ARHGEF18: variants seen among roughly 807,000 people sequenced by gnomAD.
ARHGEF18 encodes the protein rho guanine nucleotide exchange factor 18.
In ARHGEF18, 93 loss-of-function variants were observed where a neutral mutation model predicts 155.7. That is an observed-to-expected ratio of 0.60 (90% CI 0.50 to 0.71). The LOEUF (loss-of-function observed/expected upper bound fraction) is 0.71, where lower values mean the gene tolerates loss of function less well. Ranked by LOEUF, ARHGEF18 falls within the 30% of genes least tolerant of loss-of-function variation. ARHGEF18 has a pLI of 0.00. For synonymous variants in ARHGEF18, 742 were observed against 753.1 expected, an observed-to-expected ratio of 0.99 and a Z score of 0.24; for missense variants, 1,593 against 1,816.1, an observed-to-expected ratio of 0.88 and a Z score of 2.23.
Position 7,453,508 on chromosome 19 carries a change from C to G in ARHGEF18, c.1897C>G (p.Leu633Val), listed in dbSNP as rs1462992712. 3 of 1,613,518 alleles carry G rather than the reference C, an allele frequency of 1.9e-6. No homozygotes were observed. Among genetic ancestry groups the G allele is most frequent in the African/African-American group, 1.3e-5 (1 of 75,046 alleles). Residue 633 changes from leucine (L) to valine (V), a missense_variant, in exon 17 of 29, where the codon CTC becomes GTC. By Grantham distance (32) the Leu-to-Val change is conservative (BLOSUM62 1). Coordinates refer to ENST00000668164, the MANE Select transcript of ARHGEF18 (RefSeq NM_001367823.1). ...DYEDLTQALN[L>V]IKDIISQVDA... Reference sequence around the variant, plus strand: ...TGAAGACCTGACCCAGGCCTTGAACCTCATCAAAGATATCATCTCACAAGT... The same window carrying G: ...TGAAGACCTGACCCAGGCCTTGAACGTCATCAAAGATATCATCTCACAAGT...
chr19:7,407,472 C>A (rs1881853440), intron 10 of ARHGEF18, among the ~76,000 whole-genome samples: 1 of 151,854 alleles, frequency 6.6e-6, no homozygotes, highest in African/African-American at 2.4e-5. Context: ...TGTTTGTGGC[C>A]TGTTTGCTCC....
At chr19:7,437,582 C>A (rs948876262) in intron 10 of ARHGEF18, among the ~76,000 whole-genome samples, 1 of 151,910 alleles carries the variant, frequency 6.6e-6, no homozygotes, top group African/African-American at 2.4e-5. Context: ...GTAACATAGA[C>A]AAGGCAATGG....
At chr19:7,460,487 T>C (rs925240851) in intron 20 of ARHGEF18, among the ~76,000 whole-genome samples, 7 of 152,118 alleles carry the variant, frequency 4.6e-5, no homozygotes, top group Admixed American at 6.5e-5. Context: ...GCCAGAATCA[T>C]GTTAACTTTA....
At chr19:7,479,510 C>T in the ARHGEF18 span, among the ~76,000 whole-genome samples, 2 of 152,170 alleles carry the variant, frequency 1.3e-5, no homozygotes, top group Non-Finnish European at 2.9e-5. Flanking sequence ...GCCCTGGGCG[C>T]CGGACCCAGG....
In ARHGEF18 at chr19:7,453,486, A is replaced by T. The variant is rs1975629162; in HGVS notation, c.1875A>T (p.Glu625Asp). The change falls in exon 17 of 29, where the codon GAA becomes GAT. Residue 625 changes from glutamate to aspartate, a missense_variant. Transcript: ENST00000668164. ...QNTEAGTEDYEDLTQALNLIK... is the reference protein window; with the variant it reads ...QNTEAGTEDYDDLTQALNLIK... ...TGGCAGCTGGCACTGAGGACTATGA[A>T]GACCTGACCCAGGCCTTGAACCTCA... is the stretch of plus-strand genomic sequence containing the variant. 6.2e-7 allele frequency: 1 copy of T among 1,608,930 alleles called. No homozygotes were observed. Among genetic ancestry groups the T allele is most frequent in the Non-Finnish European group, 8.5e-7 (1 of 1,176,588 alleles).
chr19:7,477,061 A>G (rs1333762577), downstream of ARHGEF18: 2 of 730,920 alleles, frequency 2.7e-6, no homozygotes, highest in Non-Finnish European at 4.0e-6. Context: ...GGGACCTCGC[A>G]TCAGTCCCTC....
chr19:7,362,327 TGGAGGAGGAGGAGGAAGA>T (rs1969663311), intron 1 of ARHGEF18, among the ~76,000 whole-genome samples: 1 of 128,062 alleles, frequency 7.8e-6, no homozygotes, highest in Non-Finnish European at 1.5e-5. Context: ...AGGAAGAAGG[TGGAGGAGGAGGAGGAAGA>T]GGAGGAGGAG....
intron 10 of ARHGEF18, among the ~76,000 whole-genome samples, chr19:7,425,657 G>A (rs1417968158): frequency 4.0e-5 from 6 of 150,506 alleles, no homozygotes; most frequent in African/African-American, 9.8e-5. Flanking sequence ...ACTCCAGCCC[G>A]GGTGACAGAG....
rs571840127 is a variant in ARHGEF18, at chr19:7,374,834, C to T, written c.276-886C>T. Among the ~76,000 whole-genome samples the T allele has an allele frequency of 1.4e-4, 22 of 152,248 alleles. No homozygotes were observed. The South Asian group carries it at 2.5e-3, about 17-fold the overall frequency. On this transcript the variant is annotated intron_variant, in intron 3 of 28. Transcript: ENST00000668164. ...GATCTGCATACTGCTTGCATGCATACGCATGAAGCCACCATGCAGTTATGA... is the reference window on the plus strand; with the variant it reads ...GATCTGCATACTGCTTGCATGCATATGCATGAAGCCACCATGCAGTTATGA...
downstream of ARHGEF18, among the ~76,000 whole-genome samples, chr19:7,473,758 C>T (rs868259100): frequency 2.8e-5 from 4 of 142,356 alleles, no homozygotes; most frequent in East Asian, 2.1e-4. Context: ...TGCGGTGAGC[C>T]GAGATTGCGC....
At chr19:7,352,463 G>A (rs1282213926) in intron 1 of ARHGEF18, among the ~76,000 whole-genome samples, 7 of 146,438 alleles carry the variant, frequency 4.8e-5, no homozygotes, top group Non-Finnish European at 9.0e-5. Flanking sequence ...CAAGAACTGT[G>A]TTCAAATCAA....
chr19:7,459,779 G>A (rs1476247828), intron 19 of ARHGEF18, 124 bp from the exon 20 acceptor site: 38 of 773,566 alleles, frequency 4.9e-5, no homozygotes, highest in Non-Finnish European at 7.4e-5. Context: ...CCTGCACCAC[G>A]AACAAGCTAA....
chr19:7,461,727 A>G (rs990387326), intron 20 of ARHGEF18, among the ~76,000 whole-genome samples: 2 of 152,104 alleles, frequency 1.3e-5, no homozygotes, highest in Non-Finnish European at 2.9e-5. Context: ...AGGCTGGAGT[A>G]CAGTACTGCA....
At chr19:7,477,339 G>A, downstream of ARHGEF18, 1 of 1,560,062 alleles carries the variant, frequency 6.4e-7, no homozygotes, top group Non-Finnish European at 8.7e-7. Context: ...GGCAGCCAGT[G>A]CACGGCGTTG....
chr19:7,425,972 C>T (rs891863333), intron 10 of ARHGEF18, among the ~76,000 whole-genome samples: 7 of 151,958 alleles, frequency 4.6e-5, no homozygotes, highest in African/African-American at 1.7e-4. Context: ...TGCACTCCAG[C>T]CTGGGCAACA....
intron 10 of ARHGEF18, among the ~76,000 whole-genome samples, chr19:7,427,828 C>T (rs565535952): frequency 1.3e-5 from 2 of 151,982 alleles, no homozygotes; most frequent in African/African-American, 4.8e-5. Context: ...CGCCTGTAAT[C>T]CCAGCTACTT....
chr19:7,463,804 C>T lies in ARHGEF18; in HGVS notation c.2636-14C>T, dbSNP rs756303941. ...GCAGGGCGACCCGTGCCTCCTGTCC[C>T]CTTCCTTCCACAGTCGAGGGCATCC... On this transcript the variant is annotated splice_polypyrimidine_tract_variant and intron_variant, in intron 21 of 28. Transcript: ENST00000668164. The surrounding 1 kb of genome is among the most constrained non-coding windows in gnomAD (Gnocchi z 5.2). 35 of 1,601,406 alleles carry T rather than the reference C, an allele frequency of 2.2e-5. No individual in the cohort carries two copies. In the Admixed American group the frequency reaches 6.0e-4, roughly 27 times the overall value.
At chr19:7,349,897 G>T (rs1969116307) in intron 1 of ARHGEF18, among the ~76,000 whole-genome samples, 1 of 152,106 alleles carries the variant, frequency 6.6e-6, no homozygotes, top group South Asian at 2.1e-4. Context: ...GGCCCCCCAA[G>T]AACCTCCCTG....
At chr19:7,384,701 T>A (rs1412569804) in intron 10 of ARHGEF18, among the ~76,000 whole-genome samples, 1 of 151,548 alleles carries the variant, frequency 6.6e-6, no homozygotes, top group African/African-American at 2.4e-5. Context: ...AATTTTTTTT[T>A]TTTTTTTTGC....
Sources: allele counts gnomAD v4.1 joint callset (sites outside exome capture counted in the v4.1 genomes callset), GRCh38; gene constraint gnomAD v4.1.1; non-coding constraint Gnocchi (gnomAD v3.1); transcripts MANE v1.5; gene names NCBI Gene and HGNC (gene_info 2026-07-23, HGNC 2026-07-21).